The following LOC400499 variants were observed in gnomAD, a reference collection of about 807,000 sequenced individuals.
the LOC400499 span, chr16:11,514,308 A>G: frequency 2.5e-5 from 10 of 398,762 alleles, no homozygotes; most frequent in Non-Finnish European, 4.4e-5. Context: ...CTCTGGCCAG[A>G]CCCCCTCATG....
the LOC400499 span, among the ~76,000 whole-genome samples, chr16:11,510,819 CAGGG>C: frequency 2.2e-4 from 34 of 151,584 alleles, no homozygotes; most frequent in African/African-American, 7.8e-4. Context: ...GACTCCAACC[CAGGG>C]AGGAAGACAG....
At chr16:11,404,544 A>G in the LOC400499 span, among the ~76,000 whole-genome samples, 1 of 152,236 alleles carries the variant, frequency 6.6e-6, no homozygotes, top group African/African-American at 2.4e-5. Context: ...ATGGGGTTTC[A>G]CCATGTTGGC....
At chr16:11,477,043 C>T in the LOC400499 span, 1 of 400,486 alleles carries the variant, frequency 2.5e-6, no homozygotes, top group Non-Finnish European at 4.4e-6. Flanking sequence ...TGAGCCACAG[C>T]AGCCCCTCCA....
chr16:11,389,709 A>AAG, the LOC400499 span, among the ~76,000 whole-genome samples: 24 of 150,542 alleles, frequency 1.6e-4, no homozygotes, highest in Non-Finnish European at 2.5e-4. Flanking sequence ...AAAAAAAAAA[A>AAG]GATTACAAAA....
chr16:11,468,787 C>A, the LOC400499 span, among the ~76,000 whole-genome samples: 2 of 152,062 alleles, frequency 1.3e-5, no homozygotes, highest in African/African-American at 4.8e-5. Context: ...GCCACCACAC[C>A]CAGCTAATTT....
At chr16:11,458,033 T>A in the LOC400499 span, among the ~76,000 whole-genome samples, 7 of 151,260 alleles carry the variant, frequency 4.6e-5, no homozygotes, top group Non-Finnish European at 7.4e-5. Flanking sequence ...AAAACCCCTG[T>A]CTCTACGAAA....
chr16:11,510,173 C>T, the LOC400499 span, among the ~76,000 whole-genome samples: 3 of 151,584 alleles, frequency 2.0e-5, no homozygotes, highest in African/African-American at 7.3e-5. Context: ...GACCTACCCT[C>T]GAATCCACAG....
the LOC400499 span, chr16:11,500,900 G>A: frequency 7.0e-5 from 28 of 399,102 alleles, no homozygotes; most frequent in South Asian, 1.5e-3. Flanking sequence ...CGGCTGATGC[G>A]ATGAGTTCCT....
At chr16:11,411,655 G>A in the LOC400499 span, among the ~76,000 whole-genome samples, 1 of 152,084 alleles carries the variant, frequency 6.6e-6, no homozygotes, top group African/African-American at 2.4e-5. Flanking sequence ...GGTATCAAGG[G>A]TTAAACATGG....
chr16:11,505,710 A>G, the LOC400499 span, among the ~76,000 whole-genome samples: 2 of 151,758 alleles, frequency 1.3e-5, no homozygotes. Context: ...CAGCCTCCCA[A>G]AGTGCTGTGT....
chr16:11,462,048 A>G, the LOC400499 span: 1 of 1,318,374 alleles, frequency 7.6e-7, no homozygotes, highest in Non-Finnish European at 9.9e-7. Context: ...GACCATAAGG[A>G]GGCACTTGGG....
chr16:11,469,494 G>C, the LOC400499 span: 4 of 399,098 alleles, frequency 1.0e-5, no homozygotes, highest in East Asian at 1.4e-4. Flanking sequence ...AGCAGGGAGG[G>C]ACGTTGACAT....
chr16:11,494,676 C>T, the LOC400499 span: 4 of 399,316 alleles, frequency 1.0e-5, no homozygotes, highest in Middle Eastern at 6.2e-4. Flanking sequence ...CCGCAGGGCC[C>T]GTCCAGAGAA....
At chr16:11,462,158 G>C in the LOC400499 span, 3,094 of 1,531,646 alleles carry the variant, frequency 2.0e-3, 76 homozygotes, top group East Asian at 0.056. Flanking sequence ...GCTCAGCGAT[G>C]CGGAGAAGGC....
At chr16:11,433,091 T>C in the LOC400499 span, among the ~76,000 whole-genome samples, 1 of 152,224 alleles carries the variant, frequency 6.6e-6, no homozygotes, top group African/African-American at 2.4e-5. Context: ...GCCCATTATT[T>C]ATGAATTGTC....
the LOC400499 span, among the ~76,000 whole-genome samples, chr16:11,396,141 C>T: frequency 0.22 from 33,334 of 152,218 alleles, 3,811 homozygotes; most frequent in African/African-American, 0.27. Context: ...ATATTAACCC[C>T]ATGGGAGATA....
chr16:11,395,639 T>A, the LOC400499 span, among the ~76,000 whole-genome samples: 1 of 152,208 alleles, frequency 6.6e-6, no homozygotes, highest in Non-Finnish European at 1.5e-5. Context: ...ACCTGCTACA[T>A]GCAGATGTTG....
chr16:11,433,061 T>C, the LOC400499 span, among the ~76,000 whole-genome samples: 29 of 152,292 alleles, frequency 1.9e-4, no homozygotes, highest in African/African-American at 6.5e-4. Flanking sequence ...ATAAATAAAG[T>C]TTTATTGGAG....
At chr16:11,382,536 T>G in the LOC400499 span, among the ~76,000 whole-genome samples, 19 of 152,272 alleles carry the variant, frequency 1.2e-4, no homozygotes, top group African/African-American at 4.6e-4. Context: ...AGCCTGGTAG[T>G]GGGAACAACA....
Sources: allele counts gnomAD v4.1 joint callset (sites outside exome capture counted in the v4.1 genomes callset), GRCh38; gene constraint gnomAD v4.1.1; transcripts MANE v1.5.